Variants in HPCAL4 observed in about 807,000 individuals in gnomAD.
The protein encoded by HPCAL4 is hippocalcin-like protein 4.
Under a neutral mutation model 18.2 loss-of-function variants are expected in HPCAL4, and 16 were observed. The observed-to-expected ratio is 0.88, with a 90% CI of 0.59 to 1.33. The LOEUF (loss-of-function observed/expected upper bound fraction) is 1.33, where lower values mean the gene tolerates loss of function less well. Among genes scored for constraint, HPCAL4 ranks in the 40% most tolerant of loss-of-function variants. The probability of loss-of-function intolerance (pLI) is 0.00; values close to 1 mark genes in which losing one functional copy is unlikely to be tolerated. For missense variants in HPCAL4, 214 were observed against 256.6 expected (o/e 0.83, Z 1.14); for synonymous variants, 80 against 97.5 (o/e 0.82, Z 1.06).
rs1646597315 is a variant in HPCAL4 at position 39,678,945 on chromosome 1, C to T, written c.*3591G>A. 6.6e-6 allele frequency: 1 copy of T among 152,176 alleles called. No individual in the cohort carries two copies. The highest frequency in any genetic ancestry group is 1.5e-5 in the Non-Finnish European group (1 of 68,032). 9.4% of individuals were successfully genotyped at this position (152,176 alleles called of 1,614,324 possible). A position where few individuals can be genotyped will look rare whatever the true frequency, so the allele number is the denominator to read the frequency against. ...CACTCTGGCAAAGGTAAAAAGAAAA[C>T]CTCGAAAATTCCAGAAAGAAAATCC... On this transcript the variant is annotated 3_prime_UTR_variant, in exon 4 of 4. Transcript: ENST00000372844.
At position 39,681,457 on chromosome 1, in the gene HPCAL4, A is replaced by G. The variant is rs1302990241; in HGVS notation, c.*1079T>C. 1 of 152,240 alleles carries G rather than the reference A, an allele frequency of 6.6e-6. No individual in the cohort carries two copies. The highest frequency in any genetic ancestry group is 1.5e-5 in the Non-Finnish European group (1 of 68,050). The allele number at this position is 152,240 out of a possible 1,614,324, so 9.4% of individuals were successfully genotyped here. On this transcript the variant is annotated 3_prime_UTR_variant, in exon 4 of 4. Transcript: ENST00000372844. Reference sequence around the variant, plus strand: ...TTTCCTGTCCCTGAAGTCAGCACCCAACCGGAGTAAGTATGTAGCAGAAAG... The same window carrying G: ...TTTCCTGTCCCTGAAGTCAGCACCCGACCGGAGTAAGTATGTAGCAGAAAG...
chr1:39,690,297 G>T (rs1361601097), intron 1 of HPCAL4, among the ~76,000 whole-genome samples: 1 of 152,160 alleles, frequency 6.6e-6, no homozygotes, highest in Non-Finnish European at 1.5e-5. Flanking sequence ...TTTTCATGAA[G>T]GATCAGAGAG....
Position 39,684,606 on chromosome 1 carries a change from C to A in HPCAL4, c.-3G>T. On this transcript the variant is annotated 5_prime_UTR_variant, in exon 2 of 4. Coordinates refer to ENST00000372844, the MANE Select transcript of HPCAL4 (RefSeq NM_016257.4). ...AGCTTGCTGTTGGTCTTCCCCATGG[C>A]GGGGCCTGTGGGACAGAGGGATTCC... 3 of 1,591,198 alleles carry A rather than the reference C, an allele frequency of 1.9e-6. No individual in the cohort carries two copies. The highest frequency in any genetic ancestry group is 1.7e-6 in the Non-Finnish European group (2 of 1,169,190).
intron 1 of HPCAL4, among the ~76,000 whole-genome samples, chr1:39,686,888 C>G (rs1255210331): frequency 1.3e-5 from 2 of 151,816 alleles, no homozygotes; most frequent in Non-Finnish European, 2.9e-5. Flanking sequence ...CCCCAGGTAG[C>G]CTGTCCTCAA....
chr1:39,685,483 C>A (rs1646665315), intron 1 of HPCAL4, among the ~76,000 whole-genome samples: 2 of 152,176 alleles, frequency 1.3e-5, no homozygotes, highest in African/African-American at 4.8e-5. Flanking sequence ...CCTATAATCC[C>A]AGTACCTTGG....
rs1646609675 is a variant in HPCAL4, at chr1:39,679,813, T to C, written c.*2723A>G. ...GGTGGTCCCAGTTCCTGGCCTGGCATTGTGTGTTCACACTGCTGGGCTGTC... is the reference window on the plus strand; with the variant it reads ...GGTGGTCCCAGTTCCTGGCCTGGCACTGTGTGTTCACACTGCTGGGCTGTC... On this transcript the variant is annotated 3_prime_UTR_variant, in exon 4 of 4. Transcript: ENST00000372844. The C allele has an allele frequency of 6.6e-6, 1 of 152,272 alleles. No individual in the cohort carries two copies. Among genetic ancestry groups the C allele is most frequent in the Non-Finnish European group, 1.5e-5 (1 of 68,066 alleles). The allele number at this position is 152,272 out of a possible 1,614,324, so 9.4% of individuals were successfully genotyped here. A position where few individuals can be genotyped will look rare whatever the true frequency, so the allele number is the denominator to read the frequency against.
Position 39,684,115 on chromosome 1 carries a change from T to A in HPCAL4, c.200A>T (p.His67Leu), listed in dbSNP as rs374773372. The part of the protein sequence containing the change: ...PYGDASKFAQ[H>L]AFRTFDKNGD... ...GTTCTTGTCGAAGGTGCGGAAAGCGTGCTGCGCGAACTTGGAGGCGTCGCC... is the reference window on the plus strand; with the variant it reads ...GTTCTTGTCGAAGGTGCGGAAAGCGAGCTGCGCGAACTTGGAGGCGTCGCC... The change falls in exon 3 of 4, where the codon CAC becomes CTC. Residue 67 changes from histidine (H) to leucine (L), a missense_variant. By Grantham distance (99) the His-to-Leu change is moderately conservative. Coordinates refer to ENST00000372844, the MANE Select transcript of HPCAL4 (RefSeq NM_016257.4). 5 of 1,613,364 alleles carry A rather than the reference T, an allele frequency of 3.1e-6. No individual in the cohort carries two copies. Among genetic ancestry groups the A allele is most frequent in the Non-Finnish European group, 4.2e-6 (5 of 1,179,768 alleles).
At chr1:39,689,302 C>G (rs778753975) in intron 1 of HPCAL4, among the ~76,000 whole-genome samples, 2 of 152,030 alleles carry the variant, frequency 1.3e-5, no homozygotes, top group African/African-American at 4.8e-5. Context: ...TGTGCCTGCA[C>G]AGAACTGCTC....
chr1:39,685,598 G>A lies in HPCAL4; in HGVS notation c.-8-987C>T, dbSNP rs376148645. 7.2e-5 allele frequency among the ~76,000 whole-genome samples: 11 copies of A among 152,248 alleles called. No homozygotes were observed. The South Asian group carries it at 1.0e-3, about 14-fold the overall frequency. On this transcript the variant is annotated intron_variant, in intron 1 of 3. Transcript: ENST00000372844. ...AAAATTTAAAAATTTGGCTGGGCGC[G>A]GCCGGGCACGGTGGCTCACACCTGT...
chr1:39,689,882 C>G (rs1339584064), intron 1 of HPCAL4, among the ~76,000 whole-genome samples: 1 of 152,162 alleles, frequency 6.6e-6, no homozygotes, highest in South Asian at 2.1e-4. Context: ...CCTCTCCTCC[C>G]TTTGCTCTTC....
At chr1:39,684,390 C>T (rs1646656387) in intron 2 of HPCAL4, 52 bp downstream of exon 2, 3 of 1,538,020 alleles carry the variant, frequency 2.0e-6, no homozygotes, top group Non-Finnish European at 2.6e-6. Flanking sequence ...CGGTTCCTCG[C>T]CTCCCCCAAC....
At position 39,680,296 on chromosome 1, in the gene HPCAL4, G is replaced by A. The variant is rs1646614443; in HGVS notation, c.*2240C>T. The A allele has an allele frequency of 6.6e-6, 1 of 152,166 alleles. No homozygotes were observed. Among genetic ancestry groups the A allele is most frequent in the Non-Finnish European group, 1.5e-5 (1 of 68,036 alleles). 9.4% of individuals were successfully genotyped at this position (152,166 alleles called of 1,614,324 possible). On this transcript the variant is annotated 3_prime_UTR_variant, in exon 4 of 4. Transcript: ENST00000372844. ...CCTGACTATGTGATCTTGCACAAGG[G>A]ATGCTTCCTCTCTGAATCTCAGCTT...
In HPCAL4 at chr1:39,680,298, T is replaced by C. The variant is rs1362381753; in HGVS notation, c.*2238A>G. 6.6e-6 allele frequency: 1 copy of C among 152,196 alleles called. No individual in the cohort carries two copies. Among genetic ancestry groups the C allele is most frequent in the Non-Finnish European group, 1.5e-5 (1 of 68,030 alleles). 9.4% of individuals were successfully genotyped at this position (152,196 alleles called of 1,614,324 possible). Reference sequence around the variant, plus strand: ...TGACTATGTGATCTTGCACAAGGGATGCTTCCTCTCTGAATCTCAGCTTCC... The same window carrying C: ...TGACTATGTGATCTTGCACAAGGGACGCTTCCTCTCTGAATCTCAGCTTCC... On this transcript the variant is annotated 3_prime_UTR_variant, in exon 4 of 4. Transcript: ENST00000372844.
chr1:39,689,034 G>T (rs1646698649), intron 1 of HPCAL4, among the ~76,000 whole-genome samples: 1 of 152,084 alleles, frequency 6.6e-6, no homozygotes, highest in Admixed American at 6.5e-5. Context: ...TTAAACCCCT[G>T]CCTGAGTCAG....
rs569029166 is a variant in HPCAL4 at position 39,678,918 on chromosome 1, C to G, written c.*3618G>C. ...ACCCTGGCAGGCCCAGTCCTGCCCC[C>G]ACACTCTGGCAAAGGTAAAAAGAAA... On this transcript the variant is annotated 3_prime_UTR_variant, in exon 4 of 4. Coordinates refer to ENST00000372844, the MANE Select transcript of HPCAL4 (RefSeq NM_016257.4). The G allele has an allele frequency of 2.8e-4, 43 of 152,302 alleles. No homozygotes were observed. The highest frequency in any genetic ancestry group is 1.7e-3 in the South Asian group (8 of 4,824). 9.4% of individuals were successfully genotyped at this position (152,302 alleles called of 1,614,324 possible).
chr1:39,684,044 C>A lies in HPCAL4; in HGVS notation c.271G>T (p.Val91Phe). Residue 91 changes from valine (V) to phenylalanine (F), a missense_variant, in exon 3 of 4, where the codon GTC becomes TTC. Physicochemically the swap from Val to Phe is conservative, Grantham distance 50. Coordinates refer to ENST00000372844, the MANE Select transcript of HPCAL4 (RefSeq NM_016257.4). ...TGCTCGAAGCTGCCGCGGGAGGTGACCGACAGGGCGCAGATGAACTCCCGG... is the reference window on the plus strand; with the variant it reads ...TGCTCGAAGCTGCCGCGGGAGGTGAACGACAGGGCGCAGATGAACTCCCGG... ...DFREFICALS[V>F]TSRGSFEQKL... 2 of 1,614,026 alleles carry A rather than the reference C, an allele frequency of 1.2e-6. No homozygotes were observed. Among genetic ancestry groups the A allele is most frequent in the Non-Finnish European group, 1.7e-6 (2 of 1,179,918 alleles).
At chr1:39,683,854 G>A (rs1557753407) in intron 3 of HPCAL4, 83 bp downstream of exon 3, 2 of 1,288,136 alleles carry the variant, frequency 1.6e-6, no homozygotes, top group Admixed American at 1.8e-5. Context: ...GGGAGGCCCC[G>A]AAGCCCGAGA....
chr1:39,683,993 A>G lies in HPCAL4; in HGVS notation c.322T>C (p.Tyr108His), dbSNP rs1176926389. Reference sequence around the variant, plus strand: ...ATGCGCCCGTCGCCGTCCAGGTCGTACATCTCAAAGGCCCAGTTGAGCTTC... The same window carrying G: ...ATGCGCCCGTCGCCGTCCAGGTCGTGCATCTCAAAGGCCCAGTTGAGCTTC... ...EQKLNWAFEM[Y>H]DLDGDGRITR... The change falls in exon 3 of 4, where the codon TAC (tyrosine) becomes CAC (histidine). Residue 108 changes from tyrosine to histidine, a missense_variant. Tyr to His is a moderately conservative substitution (Grantham distance 83). Coordinates refer to ENST00000372844, the MANE Select transcript of HPCAL4 (RefSeq NM_016257.4). 6.2e-7 allele frequency: 1 copy of G among 1,613,942 alleles called. No individual in the cohort carries two copies. The highest frequency in any genetic ancestry group is 8.5e-7 in the Non-Finnish European group (1 of 1,179,890).
chr1:39,683,284 C>T (rs1164870314), intron 3 of HPCAL4, among the ~76,000 whole-genome samples: 2 of 152,198 alleles, frequency 1.3e-5, no homozygotes, highest in Non-Finnish European at 2.9e-5. Context: ...CCTGGCTCCC[C>T]GTATGACCAC....
Sources: allele counts gnomAD v4.1 joint callset (sites outside exome capture counted in the v4.1 genomes callset), GRCh38; gene constraint gnomAD v4.1.1; transcripts MANE v1.5; gene names NCBI Gene and HGNC (gene_info 2026-07-23, HGNC 2026-07-21).